ABI2: variants seen among roughly 807,000 people sequenced by gnomAD.
ABI2 encodes abelson interactor 2.
In ABI2, 25 loss-of-function variants were observed where a neutral mutation model predicts 59.2. The ratio of observed to expected loss-of-function variants is 0.42; its 90% CI spans 0.31 to 0.59. ABI2 has a LOEUF of 0.59. Ranked by LOEUF, ABI2 falls within the 20% of genes least tolerant of loss-of-function variation. ABI2 has a pLI of 0.14. For missense variants in ABI2, 545 were observed against 681.8 expected, an observed-to-expected ratio of 0.80 and a Z score of 2.23; for synonymous variants, 213 against 235.5, an observed-to-expected ratio of 0.90 and a Z score of 0.87.
rs2091707380 is a variant in ABI2 at position 203,355,851 on chromosome 2, A to T, written c.118-11026A>T. Among the ~76,000 whole-genome samples, 10 of 141,500 alleles carry T rather than the reference A, an allele frequency of 7.1e-5. No individual in the cohort carries two copies. In the South Asian group the frequency reaches 2.4e-3, roughly 34 times the overall value. The allele number at this position is 141,500 out of a possible 152,430, so 92.8% of individuals were successfully genotyped here. A position where few individuals can be genotyped will look rare whatever the true frequency, so the allele number is the denominator to read the frequency against. Reference sequence around the variant, plus strand: ...TCTCAAAAAAAAAAAAAAAAAAAAAACACCCCACCAAGAAACCCCTGGTGT... The same window carrying T: ...TCTCAAAAAAAAAAAAAAAAAAAAATCACCCCACCAAGAAACCCCTGGTGT... On this transcript the variant is annotated intron_variant, in intron 1 of 11. Transcript: ENST00000261018.
chr2:203,416,872 A>G, intron 10 of ABI2, 36 bp from the exon 11 acceptor site: 1 of 1,566,944 alleles, frequency 6.4e-7, no homozygotes, highest in Non-Finnish European at 8.7e-7. Flanking sequence ...ACTTTGCATA[A>G]CATATAGTTT....
chr2:203,357,759 TTTTG>T (rs60160570), intron 1 of ABI2, among the ~76,000 whole-genome samples: 34 of 150,992 alleles, frequency 2.3e-4, no homozygotes, highest in African/African-American at 4.9e-4. Context: ...TTTTGGGGTT[TTTTG>T]TTTGTTTGTT....
At chr2:203,354,031 T>G (rs1385871167) in intron 1 of ABI2, among the ~76,000 whole-genome samples, 2 of 152,208 alleles carry the variant, frequency 1.3e-5, no homozygotes, top group East Asian at 3.9e-4. Context: ...TAGAGTGGAT[T>G]GTGATTAGAT....
Position 203,392,977 on chromosome 2 carries a change from T to TA in ABI2, c.579-1715dup, listed in dbSNP as rs397804135. 5.0e-3 allele frequency among the ~76,000 whole-genome samples: 752 copies of TA among 151,614 alleles called. 6 individuals carry two copies. Among genetic ancestry groups the TA allele is most frequent in the South Asian group, 0.031 (149 of 4,784 alleles). ...TTTGTTCCTTTGCTCCTTTTTTTTTTAAAAAAAATCTTATTTGTGTCATTG... is the reference window on the plus strand; with the variant it reads ...TTTGTTCCTTTGCTCCTTTTTTTTTTAAAAAAAAATCTTATTTGTGTCATTG... On this transcript the variant is annotated intron_variant, in intron 5 of 11. Transcript: ENST00000261018.
chr2:203,342,902 ATAT>A lies in ABI2; in HGVS notation c.117+14276_117+14278del, dbSNP rs1028051432. ...GTTTAAATTTATGGACATGAAATTTATATTATTTCTAGTTTTTTAATCATTCAT... is the reference window on the plus strand; with the variant it reads ...GTTTAAATTTATGGACATGAAATTTATATTTCTAGTTTTTTAATCATTCAT... On this transcript the variant is annotated intron_variant, in intron 1 of 11. Coordinates refer to ENST00000261018, the MANE Select transcript of ABI2 (RefSeq NM_001375670.1). 4.9e-4 allele frequency among the ~76,000 whole-genome samples: 75 copies of A among 152,214 alleles called. 2 individuals are homozygous for A. The highest frequency in any genetic ancestry group is 1.0e-4 in the Non-Finnish European group (7 of 68,044).
chr2:203,421,998 C>A (rs2153582130), intron 11 of ABI2, among the ~76,000 whole-genome samples: 1 of 151,220 alleles, frequency 6.6e-6, no homozygotes, highest in Admixed American at 6.6e-5. Flanking sequence ...AGAAAGAGAG[C>A]CAGTTGCATG....
intron 2 of ABI2, among the ~76,000 whole-genome samples, chr2:203,378,391 G>T (rs893898384): frequency 6.6e-6 from 1 of 152,154 alleles, no homozygotes; most frequent in Non-Finnish European, 1.5e-5. Context: ...GATTATAGGC[G>T]TGAGCCACCA....
chr2:203,388,422 C>A (rs976532357), intron 4 of ABI2, among the ~76,000 whole-genome samples: 1 of 152,130 alleles, frequency 6.6e-6, no homozygotes, highest in African/African-American at 2.4e-5. Context: ...GTGGCTCATG[C>A]CTGTAATCCC....
At chr2:203,354,335 C>T (rs893331554) in intron 1 of ABI2, among the ~76,000 whole-genome samples, 4 of 152,160 alleles carry the variant, frequency 2.6e-5, no homozygotes, top group Non-Finnish European at 5.9e-5. Flanking sequence ...TGAGCCACTG[C>T]ACCCAGCCAA....
In ABI2 at chr2:203,430,302, A is replaced by G. The variant is rs370635108; in HGVS notation, c.*2950A>G. On this transcript the variant is annotated 3_prime_UTR_variant, in exon 12 of 12. Coordinates refer to ENST00000261018, the MANE Select transcript of ABI2 (RefSeq NM_001375670.1). Reference sequence around the variant, plus strand: ...CTATTAATATTATAACAGACGATCCAAGTCCAAAATCTGACCAATAAAGCA... The same window carrying G: ...CTATTAATATTATAACAGACGATCCGAGTCCAAAATCTGACCAATAAAGCA... 1.3e-5 allele frequency: 2 copies of G among 152,340 alleles called. No individual in the cohort carries two copies. Among genetic ancestry groups the G allele is most frequent in the Admixed American group, 6.5e-5 (1 of 15,302 alleles). The allele number at this position is 152,340 out of a possible 1,614,324, so 9.4% of individuals were successfully genotyped here.
At chr2:203,357,097 A>AT (rs1430714417) in intron 1 of ABI2, among the ~76,000 whole-genome samples, 1 of 152,182 alleles carries the variant, frequency 6.6e-6, no homozygotes, top group African/African-American at 2.4e-5. Context: ...ACCACACTCA[A>AT]TTTTTTCCTA....
chr2:203,338,960 AT>A lies in ABI2; in HGVS notation c.117+10330del, dbSNP rs2078044359. On this transcript the variant is annotated intron_variant, in intron 1 of 11. Transcript: ENST00000261018. ...TATATATATATATATATATATATAT[AT>A]AAATATATATATATATATATAAATA... is the stretch of plus-strand genomic sequence containing the variant. Among the ~76,000 whole-genome samples, 9 of 5,938 alleles carry A rather than the reference AT, an allele frequency of 1.5e-3. 1 individual carries two copies. The Admixed American group carries it at 0.016, about 10-fold the overall frequency. The allele number at this position is 5,938 out of a possible 152,430, so 3.9% of individuals were successfully genotyped here.
intron 1 of ABI2, among the ~76,000 whole-genome samples, chr2:203,344,490 T>C (rs2081970367): frequency 6.6e-6 from 1 of 152,024 alleles, no homozygotes; most frequent in African/African-American, 2.4e-5. Flanking sequence ...CTTAGCCTCC[T>C]GAGTAGCTGT....
intron 4 of ABI2, 83 bp from the exon 5 acceptor site, chr2:203,390,963 G>A: frequency 9.7e-7 from 1 of 1,033,936 alleles, no homozygotes; most frequent in Non-Finnish European, 1.5e-6. Context: ...CCCCTCCTTT[G>A]TTATGTAGTG....
intron 11 of ABI2, among the ~76,000 whole-genome samples, chr2:203,426,941 GCT>G (rs2098441000): frequency 6.6e-6 from 1 of 151,756 alleles, no homozygotes; most frequent in African/African-American, 2.4e-5. Context: ...GATTAAATGT[GCT>G]TTTTCCCCAT....
intron 2 of ABI2, among the ~76,000 whole-genome samples, chr2:203,369,862 G>A (rs1246584956): frequency 6.6e-6 from 1 of 152,004 alleles, no homozygotes; most frequent in African/African-American, 2.4e-5. Context: ...TAAGAAATAA[G>A]AGTAATTTTA....
chr2:203,411,190 T>G (rs969165521), intron 9 of ABI2, 95 bp from the exon 10 acceptor site: 3 of 957,186 alleles, frequency 3.1e-6, no homozygotes, highest in Non-Finnish European at 3.4e-6. Flanking sequence ...AATAGTAGTT[T>G]CCCTCCTTTA....
chr2:203,385,139 C>CTTTTTTTTTT lies in ABI2; in HGVS notation c.480+2937_480+2946dup, dbSNP rs10527327. On this transcript the variant is annotated intron_variant, in intron 4 of 11. Coordinates refer to ENST00000261018, the MANE Select transcript of ABI2 (RefSeq NM_001375670.1). Reference sequence around the variant, plus strand: ...TGAGCCACCGCACCCGGCTCAGATTCTTTTTTTTTTTTTGAGACAGTCTTG... The same window carrying CTTTTTTTTTT: ...TGAGCCACCGCACCCGGCTCAGATTCTTTTTTTTTTTTTTTTTTTTTTTGAGACAGTCTTG... Among the ~76,000 whole-genome samples, 41 of 69,962 alleles carry CTTTTTTTTTT rather than the reference C, an allele frequency of 5.9e-4. 4 individuals are homozygous for CTTTTTTTTTT. The highest frequency in any genetic ancestry group is 1.1e-3 in the African/African-American group (24 of 20,984). 45.9% of individuals were successfully genotyped at this position (69,962 alleles called of 152,430 possible).
At chr2:203,421,381 C>G (rs1434143725) in intron 11 of ABI2, among the ~76,000 whole-genome samples, 2 of 152,190 alleles carry the variant, frequency 1.3e-5, no homozygotes, top group African/African-American at 4.8e-5. Context: ...CTTCAAAAAT[C>G]ATGTTTGATG....
Sources: allele counts gnomAD v4.1 joint callset (sites outside exome capture counted in the v4.1 genomes callset), GRCh38; gene constraint gnomAD v4.1.1; transcripts MANE v1.5; gene names NCBI Gene and HGNC (gene_info 2026-07-23, HGNC 2026-07-21).